WDR70: variants seen among roughly 807,000 people sequenced by gnomAD.
WDR70 encodes the protein WD repeat domain 70.
A neutral mutation model predicts 88.6 loss-of-function variants in WDR70; 53 were observed. The observed-to-expected ratio is 0.60, with a 90% CI of 0.48 to 0.75. The LOEUF (loss-of-function observed/expected upper bound fraction) is 0.75. Among genes scored for constraint, WDR70 ranks in the 30% least tolerant of loss-of-function variants. The probability of loss-of-function intolerance (pLI) is 0.00; values close to 1 mark genes in which losing one functional copy is unlikely to be tolerated. For synonymous variants in WDR70, 280 were observed against 270.0 expected, an observed-to-expected ratio of 1.04 and a Z score of -0.36; for missense variants, 610 against 823.2, an observed-to-expected ratio of 0.74 and a Z score of 3.17.
chr5:37,394,404 A>G (rs1247678302), intron 4 of WDR70, among the ~76,000 whole-genome samples: 1 of 152,178 alleles, frequency 6.6e-6, no homozygotes, highest in African/African-American at 2.4e-5. Context: ...TAGTCATTCA[A>G]CTATTACTTA....
intron 10 of WDR70, among the ~76,000 whole-genome samples, chr5:37,661,434 T>C (rs1438759603): frequency 1.3e-5 from 2 of 152,224 alleles, no homozygotes; most frequent in African/African-American, 4.8e-5. Context: ...GCCAAAGCAG[T>C]GCCTGCCACC....
rs367673705 is a variant in WDR70 at position 37,516,473 on chromosome 5, T to G, written c.841-41T>G. 6.7e-6 allele frequency: 9 copies of G among 1,353,020 alleles called. No individual in the cohort carries two copies. The African/African-American group carries it at 1.3e-4, about 19-fold the overall frequency. 83.8% of individuals were successfully genotyped at this position (1,353,020 alleles called of 1,614,324 possible). A position where few individuals can be genotyped will look rare whatever the true frequency, so the allele number is the denominator to read the frequency against. On this transcript the variant is annotated intron_variant, in intron 8 of 17. Coordinates refer to ENST00000265107, the MANE Select transcript of WDR70 (RefSeq NM_018034.4). Reference sequence around the variant, plus strand: ...TTTCTAGTCAGTTTATTTTTTACCTTTTTAAAACATCTTTTTTTCCCCTTT... The same window carrying G: ...TTTCTAGTCAGTTTATTTTTTACCTGTTTAAAACATCTTTTTTTCCCCTTT...
At chr5:37,538,066 C>T (rs190509943) in intron 9 of WDR70, among the ~76,000 whole-genome samples, 1 of 152,298 alleles carries the variant, frequency 6.6e-6, no homozygotes, top group Admixed American at 6.5e-5. Flanking sequence ...CGTTGGTTAG[C>T]ATGGCAGAGA....
At chr5:37,589,179 C>T (rs1054183998) in intron 9 of WDR70, among the ~76,000 whole-genome samples, 1 of 151,500 alleles carries the variant, frequency 6.6e-6, no homozygotes, top group African/African-American at 2.4e-5. Context: ...AGGTGTGAAC[C>T]ACTGTGCCCA....
At chr5:37,680,710 G>A (rs981856432) in intron 10 of WDR70, among the ~76,000 whole-genome samples, 1 of 152,144 alleles carries the variant, frequency 6.6e-6, no homozygotes, top group African/African-American at 2.4e-5. Flanking sequence ...GATGGTTGTA[G>A]GAGTGTGGCC....
Position 37,521,736 on chromosome 5 carries a change from A to ACACC in WDR70, c.917+5149_917+5150insCCAC, listed in dbSNP as rs1554146353. Among the ~76,000 whole-genome samples, 32 of 139,340 alleles carry ACACC rather than the reference A, an allele frequency of 2.3e-4. 1 individual carries two copies. In the South Asian group the frequency reaches 6.5e-3, roughly 28 times the overall value. The allele number at this position is 139,340 out of a possible 152,430, so 91.4% of individuals were successfully genotyped here. On this transcript the variant is annotated intron_variant, in intron 9 of 17. Transcript: ENST00000265107. ...CACACACACACACACACACACACACACACACCCACATGTTCTTTATCAACT... is the reference window on the plus strand; with the variant it reads ...CACACACACACACACACACACACACACACCCACACCCACATGTTCTTTATCAACT...
chr5:37,436,322 G>T (rs1420128571), intron 5 of WDR70, among the ~76,000 whole-genome samples: 16 of 152,128 alleles, frequency 1.1e-4, no homozygotes. Flanking sequence ...TGTGGGGCAG[G>T]TGCTATTATT....
At chr5:37,580,364 C>G (rs1192486256) in intron 9 of WDR70, among the ~76,000 whole-genome samples, 1 of 152,126 alleles carries the variant, frequency 6.6e-6, no homozygotes, top group Non-Finnish European at 1.5e-5. Flanking sequence ...TTCCATTTAT[C>G]TGGGTCAGAA....
intron 10 of WDR70, among the ~76,000 whole-genome samples, chr5:37,631,650 T>C (rs995727467): frequency 1.3e-5 from 2 of 152,128 alleles, no homozygotes; most frequent in Admixed American, 1.3e-4. Context: ...GGGATTTGAC[T>C]CTAGGCAGTC....
chr5:37,659,189 A>G (rs1251595292), intron 10 of WDR70, among the ~76,000 whole-genome samples: 1 of 152,242 alleles, frequency 6.6e-6, no homozygotes, highest in African/African-American at 2.4e-5. Flanking sequence ...TATACTATAT[A>G]CAGATTTTAA....
intron 5 of WDR70, among the ~76,000 whole-genome samples, chr5:37,407,609 T>C (rs1347953751): frequency 1.3e-5 from 2 of 152,114 alleles, no homozygotes; most frequent in Non-Finnish European, 2.9e-5. Flanking sequence ...ATTAGTCCAA[T>C]TTATTTATTT....
rs1749954517 is a variant in WDR70, at chr5:37,421,811, G to A, written c.493-16111G>A. 2.0e-5 allele frequency among the ~76,000 whole-genome samples: 3 copies of A among 151,806 alleles called. No individual in the cohort carries two copies. The South Asian group carries it at 6.3e-4, about 32-fold the overall frequency. On this transcript the variant is annotated intron_variant, in intron 5 of 17. Transcript: ENST00000265107. ...ATGGGGTATACATGAGGTTGGTATT[G>A]CCACTGACATCCTAGATGAGGGACT... is the stretch of plus-strand genomic sequence containing the variant.
At chr5:37,676,025 GCT>G (rs1746194340) in intron 10 of WDR70, among the ~76,000 whole-genome samples, 1 of 147,644 alleles carries the variant, frequency 6.8e-6, no homozygotes, top group African/African-American at 2.5e-5. Flanking sequence ...TCATGATTTG[GCT>G]CTCTGTTTGT....
intron 5 of WDR70, among the ~76,000 whole-genome samples, chr5:37,417,506 T>C (rs1193765266): frequency 6.6e-6 from 1 of 150,926 alleles, no homozygotes; most frequent in Non-Finnish European, 1.5e-5. Flanking sequence ...ATTACAGGTA[T>C]GAGTCACTGC....
At chr5:37,584,596 G>C (rs1454202348) in intron 9 of WDR70, among the ~76,000 whole-genome samples, 1 of 152,046 alleles carries the variant, frequency 6.6e-6, no homozygotes, top group Non-Finnish European at 1.5e-5. Context: ...GTAGAGTCTG[G>C]TGCTTTTAAA....
intron 10 of WDR70, among the ~76,000 whole-genome samples, chr5:37,616,822 A>C (rs1359590252): frequency 6.6e-6 from 1 of 152,338 alleles, no homozygotes; most frequent in South Asian, 2.1e-4. Flanking sequence ...GAATGCTATC[A>C]GAGCATTATA....
At chr5:37,603,418 G>A (rs1461543206) in intron 9 of WDR70, among the ~76,000 whole-genome samples, 3 of 152,186 alleles carry the variant, frequency 2.0e-5, no homozygotes, top group Non-Finnish European at 2.9e-5. Context: ...GCAGAAGAAT[G>A]AAATTAGACC....
intron 8 of WDR70, among the ~76,000 whole-genome samples, chr5:37,501,560 G>C (rs1469833711): frequency 6.6e-6 from 1 of 152,114 alleles, no homozygotes; most frequent in African/African-American, 2.4e-5. Context: ...ATTTGTGTTG[G>C]GCCACATTCA....
At chr5:37,728,360 A>C (rs1436135624) in intron 17 of WDR70, among the ~76,000 whole-genome samples, 3 of 56,952 alleles carry the variant, frequency 5.3e-5, no homozygotes, top group African/African-American at 5.9e-5. Flanking sequence ...AAAAAAAAAA[A>C]AAACAAAAAA....
Sources: gnomAD v4.1 joint callset for allele counts (sites outside exome capture counted in the v4.1 genomes callset) on GRCh38, gnomAD v4.1.1 for gene constraint, MANE v1.5 for transcripts, NCBI Gene and HGNC (gene_info 2026-07-23, HGNC 2026-07-21) for gene names.